The following CTNND2 variants were observed in gnomAD, a reference collection of about 807,000 sequenced individuals.
CTNND2 encodes catenin delta-2.
A neutral mutation model predicts 144.4 loss-of-function variants in CTNND2; 22 were observed. That is an observed-to-expected ratio of 0.15 (90% CI 0.11 to 0.22). The LOEUF (loss-of-function observed/expected upper bound fraction) is 0.22, where lower values mean the gene tolerates loss of function less well. Among genes scored for constraint, CTNND2 ranks in the 10% least tolerant of loss-of-function variants. The pLI, the probability that CTNND2 is intolerant of heterozygous loss-of-function variation, is 1.00. For missense variants in CTNND2, 1,353 were observed against 1,618.8 expected, an observed-to-expected ratio of 0.84 and a Z score of 2.82; for synonymous variants, 751 against 695.6, an observed-to-expected ratio of 1.08 and a Z score of -1.25.
At chr5:11,264,974 T>C (rs912170347) in intron 9 of CTNND2, among the ~76,000 whole-genome samples, 2 of 152,000 alleles carry the variant, frequency 1.3e-5, no homozygotes, top group African/African-American at 2.4e-5. Context: ...CCAATACCTA[T>C]ATTATCTTGG....
chr5:11,035,184 A>G (rs897574340), intron 16 of CTNND2, among the ~76,000 whole-genome samples: 2 of 152,058 alleles, frequency 1.3e-5, no homozygotes, highest in Non-Finnish European at 2.9e-5. Context: ...AACTAGATAC[A>G]TTTATTATTT....
intron 2 of CTNND2, among the ~76,000 whole-genome samples, chr5:11,678,129 T>C (rs1440683209): frequency 6.6e-6 from 1 of 151,934 alleles, no homozygotes; most frequent in Admixed American, 6.6e-5. Flanking sequence ...GCATTGACAA[T>C]ACAAGAAAAA....
rs562731468 is a variant in CTNND2, at chr5:11,782,346, C to A, written c.38-50074G>T. On this transcript the variant is annotated intron_variant, in intron 1 of 21. Coordinates refer to ENST00000304623, the MANE Select transcript of CTNND2 (RefSeq NM_001332.4). ...CCAGTGCTCTACTGAACACTAAATA[C>A]AAAAAAAAAGCTGACCTTTTGTAAA... Among the ~76,000 whole-genome samples, 202 of 150,348 alleles carry A rather than the reference C, an allele frequency of 1.3e-3. 1 individual carries two copies. The highest frequency in any genetic ancestry group is 2.3e-3 in the Non-Finnish European group (155 of 67,488).
intron 9 of CTNND2, among the ~76,000 whole-genome samples, chr5:11,247,973 T>C (rs747460715): frequency 5.7e-4 from 87 of 152,296 alleles, no homozygotes; most frequent in Non-Finnish European, 8.7e-4. Context: ...CCCTGGAAAT[T>C]CTAACAGGTT....
chr5:11,579,242 A>G (rs1441934530), intron 2 of CTNND2, among the ~76,000 whole-genome samples: 1 of 151,930 alleles, frequency 6.6e-6, no homozygotes, highest in African/African-American at 2.4e-5. Context: ...CATCCTGCTA[A>G]TCAAACAAGA....
At chr5:11,664,351 G>C (rs1457700714) in intron 2 of CTNND2, among the ~76,000 whole-genome samples, 1 of 152,116 alleles carries the variant, frequency 6.6e-6, no homozygotes, top group East Asian at 1.9e-4. Flanking sequence ...CCAACACTTT[G>C]GGAGGCCAAG....
intron 2 of CTNND2, among the ~76,000 whole-genome samples, chr5:11,614,860 CT>C (rs1780506981): frequency 1.3e-5 from 2 of 152,194 alleles, no homozygotes; most frequent in South Asian, 4.1e-4. Context: ...CTCTTTCATC[CT>C]CATTTCCACA....
At chr5:11,419,206 T>C (rs533882409) in intron 3 of CTNND2, among the ~76,000 whole-genome samples, 25 of 152,146 alleles carry the variant, frequency 1.6e-4, no homozygotes, top group South Asian at 8.3e-4. Flanking sequence ...TTATCTCCAA[T>C]GTTTTATTTA....
At chr5:11,059,189 C>T (rs1233919999) in intron 16 of CTNND2, among the ~76,000 whole-genome samples, 1 of 152,086 alleles carries the variant, frequency 6.6e-6, no homozygotes, top group Non-Finnish European at 1.5e-5. Context: ...GGGCCAGTCA[C>T]AGAATGATAT....
chr5:11,869,729 T>C (rs1582036466), intron 1 of CTNND2, among the ~76,000 whole-genome samples: 1 of 152,264 alleles, frequency 6.6e-6, no homozygotes, highest in Non-Finnish European at 1.5e-5. Flanking sequence ...GTAAATTTTA[T>C]GTATGCTTTA....
chr5:11,746,683 G>A (rs1788334808), intron 1 of CTNND2, among the ~76,000 whole-genome samples: 2 of 152,054 alleles, frequency 1.3e-5, no homozygotes, highest in African/African-American at 4.8e-5. Flanking sequence ...ATTAGTTCAT[G>A]AATTCTTTGA....
chr5:11,219,073 G>A (rs767344802), intron 10 of CTNND2, among the ~76,000 whole-genome samples: 4 of 152,136 alleles, frequency 2.6e-5, no homozygotes, highest in Non-Finnish European at 4.4e-5. Flanking sequence ...ATGATGGCCA[G>A]GTATAATTAC....
intron 6 of CTNND2, among the ~76,000 whole-genome samples, chr5:11,391,762 A>G (rs61749821): frequency 3.5e-4 from 53 of 152,316 alleles, no homozygotes; most frequent in African/African-American, 1.2e-3. Context: ...GATAGCTTCT[A>G]TGCACATTTT....
At chr5:11,899,259 G>C (rs1329726088) in intron 1 of CTNND2, among the ~76,000 whole-genome samples, 1 of 152,198 alleles carries the variant, frequency 6.6e-6, no homozygotes, top group Admixed American at 6.5e-5. Context: ...ACCTCACAGA[G>C]AGTGATGCTT....
At chr5:11,417,622 T>C (rs530084550) in intron 3 of CTNND2, among the ~76,000 whole-genome samples, 4 of 152,298 alleles carry the variant, frequency 2.6e-5, no homozygotes. Flanking sequence ...CACCACAAAC[T>C]GTCCAAAAAT....
chr5:11,372,085 A>G (rs544733854), intron 7 of CTNND2, among the ~76,000 whole-genome samples: 3 of 152,224 alleles, frequency 2.0e-5, no homozygotes, highest in Non-Finnish European at 4.4e-5. Flanking sequence ...ATTTGTTCCC[A>G]TAACTTTGCT....
chr5:11,720,593 T>C (rs746542962), intron 2 of CTNND2, among the ~76,000 whole-genome samples: 49 of 152,332 alleles, frequency 3.2e-4, no homozygotes, highest in Non-Finnish European at 5.0e-4. Flanking sequence ...TTTTCCCACC[T>C]GCAACATATG....
At position 10,981,757 on chromosome 5, in the gene CTNND2, G is replaced by A. The variant is rs1561115949; in HGVS notation, c.3417+16C>T. 6.3e-6 allele frequency: 10 copies of A among 1,597,650 alleles called. No homozygotes were observed. Among genetic ancestry groups the A allele is most frequent in the East Asian group, 2.2e-5 (1 of 44,780 alleles). On this transcript the variant is annotated intron_variant, in intron 21 of 21. Transcript: ENST00000304623. ...CACACTGAAAAGGAAATACAAACGT[G>A]TTGCATTTACTTTACCTGGTTGTGT...
intron 3 of CTNND2, among the ~76,000 whole-genome samples, chr5:11,418,953 A>C (rs1762117918): frequency 6.6e-6 from 1 of 151,662 alleles, no homozygotes; most frequent in African/African-American, 2.4e-5. Flanking sequence ...AATAAACAAT[A>C]TTGTTTATAA....
Sources: gnomAD v4.1 joint callset for allele counts (sites outside exome capture counted in the v4.1 genomes callset) on GRCh38, gnomAD v4.1.1 for gene constraint, MANE v1.5 for transcripts, NCBI Gene and HGNC (gene_info 2026-07-23, HGNC 2026-07-21) for gene names.